The following CNTNAP5 variants were observed in gnomAD, a reference collection of about 807,000 sequenced individuals.
The protein encoded by CNTNAP5 is contactin associated protein family member 5, also known as contactin-associated protein-like 5.
Under a neutral mutation model 150.2 loss-of-function variants are expected in CNTNAP5, and 72 were observed. That is an observed-to-expected ratio of 0.48 (90% CI 0.40 to 0.58). The LOEUF is 0.58. Among genes scored for constraint, CNTNAP5 ranks in the 20% least tolerant of loss-of-function variants. CNTNAP5 has a pLI of 0.00. For synonymous variants in CNTNAP5, 672 were observed against 619.8 expected, an observed-to-expected ratio of 1.08 and a Z score of -1.25; for missense variants, 1,636 against 1,626.2, an observed-to-expected ratio of 1.01 and a Z score of -0.10.
chr2:124,243,099 G>A (rs1253145337), intron 3 of CNTNAP5, among the ~76,000 whole-genome samples: 1 of 152,194 alleles, frequency 6.6e-6, no homozygotes, highest in Non-Finnish European at 1.5e-5. Context: ...AATTATTAAT[G>A]GAGGAAAAGG....
At chr2:124,090,420 TAAGAC>T (rs1558751642) in intron 1 of CNTNAP5, among the ~76,000 whole-genome samples, 1 of 152,216 alleles carries the variant, frequency 6.6e-6, no homozygotes, top group Non-Finnish European at 1.5e-5. Flanking sequence ...CTGCTGAAGA[TAAGAC>T]CATTGATTTT....
chr2:124,789,694 T>A (rs945183048), intron 17 of CNTNAP5, among the ~76,000 whole-genome samples: 3 of 152,178 alleles, frequency 2.0e-5, no homozygotes, highest in Non-Finnish European at 2.9e-5. Context: ...CTAAAGATAG[T>A]GGCCTCTAGC....
At chr2:124,699,720 A>G (rs1679479359) in intron 13 of CNTNAP5, among the ~76,000 whole-genome samples, 1 of 152,192 alleles carries the variant, frequency 6.6e-6, no homozygotes, top group Non-Finnish European at 1.5e-5. Flanking sequence ...GGTCATGCCT[A>G]GAAGTCACTG....
At chr2:124,605,969 C>A (rs1476965662) in intron 11 of CNTNAP5, among the ~76,000 whole-genome samples, 2 of 151,916 alleles carry the variant, frequency 1.3e-5, no homozygotes, top group Non-Finnish European at 2.9e-5. Context: ...TGTCCCCTCC[C>A]ACATTTTTCT....
chr2:124,097,008 A>G (rs1018786113), intron 1 of CNTNAP5, among the ~76,000 whole-genome samples: 9 of 151,740 alleles, frequency 5.9e-5, no homozygotes, highest in Non-Finnish European at 1.2e-4. Flanking sequence ...CCGGCCCCAA[A>G]TCTTTTAACG....
intron 19 of CNTNAP5, among the ~76,000 whole-genome samples, chr2:124,855,276 C>A (rs1051130798): frequency 7.1e-6 from 1 of 140,820 alleles, no homozygotes; most frequent in Non-Finnish European, 1.5e-5. Flanking sequence ...CTCCCAGGTT[C>A]AAGCAATTGT....
chr2:124,918,238 T>G lies in CNTNAP5; in HGVS notation c.*3950T>G, dbSNP rs1328720305. 3.9e-5 allele frequency among the ~76,000 whole-genome samples: 6 copies of G among 152,090 alleles called. No homozygotes were observed. The highest frequency in any genetic ancestry group is 1.4e-4 in the African/African-American group (6 of 41,448). On this transcript the variant is annotated 3_prime_UTR_variant, in exon 24 of 24. Transcript: ENST00000682447. The stretch of plus-strand genomic sequence containing the variant: ...AGCCATGTGTTTATGACCTATTGCA[T>G]GCCGTTGTTCTTCCAGATGTTCCTG...
intron 14 of CNTNAP5, among the ~76,000 whole-genome samples, chr2:124,756,910 G>A (rs1437442648): frequency 6.6e-6 from 1 of 152,038 alleles, no homozygotes; most frequent in African/African-American, 2.4e-5. Flanking sequence ...TCTTGCACAT[G>A]TACCCCTGAA....
At chr2:124,227,454 CAT>C (rs1558809890) in intron 2 of CNTNAP5, among the ~76,000 whole-genome samples, 3 of 152,088 alleles carry the variant, frequency 2.0e-5, no homozygotes, top group South Asian at 2.1e-4. Flanking sequence ...CAAACACAAA[CAT>C]GTGTTCGGAA....
At position 124,266,910 on chromosome 2, in the gene CNTNAP5, G is replaced by A. The variant is rs573832306; in HGVS notation, c.381+24517G>A. 2.7e-3 allele frequency among the ~76,000 whole-genome samples: 406 copies of A among 151,650 alleles called. 4 individuals carry two copies. The highest frequency in any genetic ancestry group is 0.013 in the South Asian group (61 of 4,802). ...TACACCCCCATAGAATAGAAATTAC[G>A]TACGCTTTTGCTGGCTTAAGCATAA... On this transcript the variant is annotated intron_variant, in intron 3 of 23. Coordinates refer to ENST00000682447, the MANE Select transcript of CNTNAP5 (RefSeq NM_001367498.1).
intron 21 of CNTNAP5, among the ~76,000 whole-genome samples, chr2:124,878,242 C>T (rs539518152): frequency 6.6e-6 from 1 of 152,090 alleles, no homozygotes; most frequent in African/African-American, 2.4e-5. Context: ...GTAAGTCAGG[C>T]TTTGGAATCA....
chr2:124,665,948 A>T (rs934928068), intron 13 of CNTNAP5, among the ~76,000 whole-genome samples: 1 of 152,168 alleles, frequency 6.6e-6, no homozygotes, highest in Non-Finnish European at 1.5e-5. Flanking sequence ...GCTTTTATAA[A>T]TCTGTGGCCT....
intron 10 of CNTNAP5, among the ~76,000 whole-genome samples, chr2:124,535,606 CAAAAAAA>C (rs1168717177): frequency 2.5e-4 from 19 of 76,018 alleles, no homozygotes; most frequent in African/African-American, 3.8e-4. Flanking sequence ...TACTGAAATA[CAAAAAAA>C]AAAAAAAAAA....
At chr2:124,473,814 A>T (rs1693576841) in intron 6 of CNTNAP5, among the ~76,000 whole-genome samples, 1 of 152,182 alleles carries the variant, frequency 6.6e-6, no homozygotes, top group African/African-American at 2.4e-5. Flanking sequence ...TACTCATAAC[A>T]GGCCGCCTTG....
At chr2:124,173,590 C>T (rs1265417852) in intron 1 of CNTNAP5, among the ~76,000 whole-genome samples, 1 of 152,230 alleles carries the variant, frequency 6.6e-6, no homozygotes, top group Non-Finnish European at 1.5e-5. Flanking sequence ...AACTCCTTTC[C>T]ATTCTGTAAT....
intron 16 of CNTNAP5, among the ~76,000 whole-genome samples, chr2:124,766,131 T>A (rs1173647382): frequency 3.3e-5 from 5 of 152,252 alleles, no homozygotes; most frequent in Middle Eastern, 3.4e-3. Flanking sequence ...CGTTTGCTAT[T>A]TTTTTGGTTC....
chr2:124,859,586 G>T (rs1677465216), intron 19 of CNTNAP5, among the ~76,000 whole-genome samples: 1 of 152,124 alleles, frequency 6.6e-6, no homozygotes, highest in African/African-American at 2.4e-5. Context: ...TATAAATCAT[G>T]CTGCTATAAA....
chr2:124,414,166 T>TG, intron 3 of CNTNAP5, among the ~76,000 whole-genome samples: 1 of 151,822 alleles, frequency 6.6e-6, no homozygotes, highest in Non-Finnish European at 1.5e-5. Flanking sequence ...ATTCTTGTTG[T>TG]TCACATGTTA....
At chr2:124,680,214 G>A (rs1056407880) in intron 13 of CNTNAP5, among the ~76,000 whole-genome samples, 1 of 151,790 alleles carries the variant, frequency 6.6e-6, no homozygotes, top group African/African-American at 2.4e-5. Flanking sequence ...TACTCTGGAA[G>A]GTCTTCTTGA....
Sources: gnomAD v4.1 joint callset for allele counts (sites outside exome capture counted in the v4.1 genomes callset) on GRCh38, gnomAD v4.1.1 for gene constraint, MANE v1.5 for transcripts, NCBI Gene and HGNC (gene_info 2026-07-23, HGNC 2026-07-21) for gene names.